The following EFNA5 variants were observed in gnomAD, a reference collection of about 807,000 sequenced individuals.
EFNA5 encodes the protein ephrin-A5.
In EFNA5, 5 loss-of-function variants were observed where a neutral mutation model predicts 22.9. The observed-to-expected ratio is 0.22, with a 90% CI of 0.11 to 0.46. The LOEUF (loss-of-function observed/expected upper bound fraction) is 0.46. EFNA5 is among the 20% of genes least tolerant of loss of function. The pLI, the probability that EFNA5 is intolerant of heterozygous loss-of-function variation, is 0.99. For missense variants in EFNA5, 237 were observed against 293.3 expected (o/e 0.81, Z 1.40); for synonymous variants, 113 against 112.2 (o/e 1.01, Z -0.04).
At chr5:107,475,778 G>A (rs557123767) in intron 1 of EFNA5, among the ~76,000 whole-genome samples, 4 of 151,844 alleles carry the variant, frequency 2.6e-5, no homozygotes, top group Non-Finnish European at 4.4e-5. Flanking sequence ...ACCCCAAAGT[G>A]CAAGCCCTTT....
chr5:107,553,536 G>A (rs1748344783), intron 1 of EFNA5, among the ~76,000 whole-genome samples: 1 of 152,174 alleles, frequency 6.6e-6, no homozygotes, highest in African/African-American at 2.4e-5. Context: ...ATCTCCCCGA[G>A]GTGTAGTTGT....
chr5:107,607,004 T>C (rs532781514), intron 1 of EFNA5, among the ~76,000 whole-genome samples: 3 of 152,286 alleles, frequency 2.0e-5, no homozygotes, highest in Non-Finnish European at 4.4e-5. Flanking sequence ...ATCCAATCTT[T>C]CTCAAAGGTA....
chr5:107,625,883 T>C (rs1222983771), intron 1 of EFNA5, among the ~76,000 whole-genome samples: 8 of 152,234 alleles, frequency 5.3e-5, no homozygotes, highest in East Asian at 3.8e-4. Context: ...TAGTTGAACA[T>C]AGTTAAGTTG....
chr5:107,404,767 A>C (rs1456700897), intron 2 of EFNA5, among the ~76,000 whole-genome samples: 1 of 152,176 alleles, frequency 6.6e-6, no homozygotes, highest in African/African-American at 2.4e-5. Context: ...TATTTGTTTC[A>C]TAATTTCCCA....
intron 1 of EFNA5, among the ~76,000 whole-genome samples, chr5:107,659,778 G>A (rs59056455): frequency 0.011 from 1,614 of 152,018 alleles, 32 homozygotes; most frequent in African/African-American, 0.035. Flanking sequence ...TCAAAATAAC[G>A]AGATATTCAG....
At chr5:107,465,064 T>A (rs17449305) in intron 1 of EFNA5, among the ~76,000 whole-genome samples, 822 of 18,922 alleles carry the variant, frequency 0.043, 2 homozygotes, top group African/African-American at 0.057. Flanking sequence ...TGTGTGAGGC[T>A]TTTTTTTTTT....
intron 1 of EFNA5, among the ~76,000 whole-genome samples, chr5:107,491,084 A>T (rs2112413466): frequency 6.6e-6 from 1 of 152,338 alleles, no homozygotes; most frequent in East Asian, 1.9e-4. Flanking sequence ...ATTAGAGAGC[A>T]CATGTGTTAT....
chr5:107,496,696 C>A (rs1370291146), intron 1 of EFNA5, among the ~76,000 whole-genome samples: 1 of 152,160 alleles, frequency 6.6e-6, no homozygotes, highest in Non-Finnish European at 1.5e-5. Context: ...CAATAAAGTG[C>A]GCTTAAACAA....
intron 2 of EFNA5, among the ~76,000 whole-genome samples, chr5:107,394,958 T>G (rs1034540851): frequency 1.3e-5 from 2 of 150,440 alleles, no homozygotes; most frequent in Non-Finnish European, 3.0e-5. Flanking sequence ...TGATATCTAT[T>G]TAGGTATGAG....
At chr5:107,484,196 A>G (rs1301277015) in intron 1 of EFNA5, among the ~76,000 whole-genome samples, 1 of 152,196 alleles carries the variant, frequency 6.6e-6, no homozygotes, top group Non-Finnish European at 1.5e-5. Context: ...TTTAGCATCT[A>G]TATCAAGCTA....
chr5:107,566,222 T>G (rs1171841920), intron 1 of EFNA5, among the ~76,000 whole-genome samples: 5 of 152,218 alleles, frequency 3.3e-5, no homozygotes, highest in African/African-American at 1.2e-4. Flanking sequence ...ATAAACTCAC[T>G]ATTTTTCATG....
intron 2 of EFNA5, among the ~76,000 whole-genome samples, chr5:107,397,084 A>AT (rs146839603): frequency 0.16 from 22,366 of 142,718 alleles, 1,984 homozygotes; most frequent in East Asian, 0.31. Context: ...TCCACTCTTT[A>AT]ATTTTTTTTT....
At chr5:107,592,651 CA>C (rs984245897) in intron 1 of EFNA5, among the ~76,000 whole-genome samples, 1 of 151,946 alleles carries the variant, frequency 6.6e-6, no homozygotes, top group Non-Finnish European at 1.5e-5. Flanking sequence ...ACATGACTGC[CA>C]AAGAGATGCA....
chr5:107,380,688 T>A lies in EFNA5; in HGVS notation c.*567A>T. 1 of 398,032 alleles carries A rather than the reference T, an allele frequency of 2.5e-6. No homozygotes were observed. Among genetic ancestry groups the A allele is most frequent in the Non-Finnish European group, 4.4e-6 (1 of 225,778 alleles). The allele number at this position is 398,032 out of a possible 1,614,324, so 24.7% of individuals were successfully genotyped here. On this transcript the variant is annotated 3_prime_UTR_variant, in exon 5 of 5. Coordinates refer to ENST00000333274, the MANE Select transcript of EFNA5 (RefSeq NM_001962.3). ...AGTGTCTCAACCTTTTAGAAGCCTGTTCATTTACATACTCCTATAGGAAAT... is the reference window on the plus strand; with the variant it reads ...AGTGTCTCAACCTTTTAGAAGCCTGATCATTTACATACTCCTATAGGAAAT...
chr5:107,607,097 A>G (rs1335528199), intron 1 of EFNA5, among the ~76,000 whole-genome samples: 1 of 152,218 alleles, frequency 6.6e-6, no homozygotes, highest in East Asian at 1.9e-4. Flanking sequence ...ATTAGCCTTG[A>G]GTTTCAAAGT....
rs1749190632 is a variant in EFNA5 at position 107,439,144 on chromosome 5, T to C, written c.126-11635A>G. Among the ~76,000 whole-genome samples, 4 of 152,096 alleles carry C rather than the reference T, an allele frequency of 2.6e-5. No homozygotes were observed. In the South Asian group the frequency reaches 8.3e-4, roughly 32 times the overall value. On this transcript the variant is annotated intron_variant, in intron 1 of 4. Coordinates refer to ENST00000333274, the MANE Select transcript of EFNA5 (RefSeq NM_001962.3). ...GAGACAGGGTCTTTTTTGGAAGTAA[T>C]TAAGGTTAAATGAAGTCACAAGGGT...
At chr5:107,446,478 G>C (rs911488894) in intron 1 of EFNA5, among the ~76,000 whole-genome samples, 2 of 152,156 alleles carry the variant, frequency 1.3e-5, no homozygotes, top group African/African-American at 4.8e-5. Context: ...GGCAGGACCT[G>C]GTGGCTTACA....
intron 1 of EFNA5, among the ~76,000 whole-genome samples, chr5:107,462,217 T>G (rs998583626): frequency 2.0e-5 from 3 of 151,800 alleles, no homozygotes; most frequent in African/African-American, 7.3e-5. Flanking sequence ...TCAGAAAAGC[T>G]AAGGAGGATA....
At chr5:107,493,813 G>A (rs1331973444) in intron 1 of EFNA5, among the ~76,000 whole-genome samples, 5 of 152,156 alleles carry the variant, frequency 3.3e-5, no homozygotes, top group Non-Finnish European at 7.3e-5. Flanking sequence ...CATTGGCACA[G>A]TCTATCATTT....
Sources: gnomAD v4.1 joint callset for allele counts (sites outside exome capture counted in the v4.1 genomes callset) on GRCh38, gnomAD v4.1.1 for gene constraint, MANE v1.5 for transcripts, NCBI Gene and HGNC (gene_info 2026-07-23, HGNC 2026-07-21) for gene names.